The following NRG3 variants were observed in gnomAD, a reference collection of about 807,000 sequenced individuals.
NRG3 encodes neuregulin 3.
A neutral mutation model predicts 66.9 loss-of-function variants in NRG3; 31 were observed. The ratio of observed to expected loss-of-function variants is 0.46; its 90% CI spans 0.35 to 0.63. The LOEUF is 0.63. Ranked by LOEUF, NRG3 falls within the 20% of genes least tolerant of loss-of-function variation. The pLI, the probability that NRG3 is intolerant of heterozygous loss-of-function variation, is 0.00. For synonymous variants in NRG3, 393 were observed against 359.4 expected, an observed-to-expected ratio of 1.09 and a Z score of -1.06; for missense variants, 910 against 878.9, an observed-to-expected ratio of 1.04 and a Z score of -0.45.
At chr10:82,706,805 C>G (rs2056319083) in intron 2 of NRG3, among the ~76,000 whole-genome samples, 1 of 151,914 alleles carries the variant, frequency 6.6e-6, no homozygotes, top group South Asian at 2.1e-4. Flanking sequence ...ACCAGCCTGA[C>G]CAACATGTTG....
intron 1 of NRG3, among the ~76,000 whole-genome samples, chr10:82,326,160 A>G (rs1330426211): frequency 6.6e-6 from 1 of 152,164 alleles, no homozygotes; most frequent in African/African-American, 2.4e-5. Context: ...TGTTGAGTAA[A>G]GCATTGTAGA....
chr10:81,890,283 G>T (rs1357937128), intron 1 of NRG3, among the ~76,000 whole-genome samples: 2 of 152,136 alleles, frequency 1.3e-5, no homozygotes, highest in African/African-American at 4.8e-5. Flanking sequence ...ATAGTGGTTT[G>T]TTTGGAGTGG....
At chr10:82,946,982 T>C (rs1329524500) in intron 4 of NRG3, among the ~76,000 whole-genome samples, 1 of 152,180 alleles carries the variant, frequency 6.6e-6, no homozygotes, top group Non-Finnish European at 1.5e-5. Flanking sequence ...ATAAGCCACC[T>C]GTTTATAATG....
chr10:81,957,952 A>G (rs985819455), intron 1 of NRG3, among the ~76,000 whole-genome samples: 1 of 152,232 alleles, frequency 6.6e-6, no homozygotes, highest in Non-Finnish European at 1.5e-5. Context: ...TTCTTCTAAA[A>G]TAAGTGAGGG....
intron 2 of NRG3, among the ~76,000 whole-genome samples, chr10:82,565,209 A>T (rs887820310): frequency 4.6e-5 from 7 of 152,116 alleles, no homozygotes; most frequent in Non-Finnish European, 8.8e-5. Context: ...GGTAGGCAGG[A>T]CATATAGCCA....
intron 3 of NRG3, among the ~76,000 whole-genome samples, chr10:82,807,044 C>T (rs918724457): frequency 3.9e-5 from 6 of 152,154 alleles, no homozygotes; most frequent in Non-Finnish European, 7.4e-5. Flanking sequence ...TGCCAAGACC[C>T]TAATTGGTTA....
At chr10:81,995,014 G>A (rs559096348) in intron 1 of NRG3, among the ~76,000 whole-genome samples, 93 of 151,998 alleles carry the variant, frequency 6.1e-4, no homozygotes, top group African/African-American at 2.0e-3. Flanking sequence ...ATGTGAATTT[G>A]GTCTCTCAGA....
At chr10:82,660,169 G>C (rs2790709) in intron 2 of NRG3, among the ~76,000 whole-genome samples, 120,177 of 135,644 alleles carry the variant, frequency 0.89, 53,063 homozygotes, top group Middle Eastern at 0.92. Context: ...GCACTCTAGT[G>C]TGGGCGACAA....
chr10:81,978,069 A>G (rs1004372852), intron 1 of NRG3, among the ~76,000 whole-genome samples: 3 of 152,186 alleles, frequency 2.0e-5, no homozygotes. Flanking sequence ...TTGAAGCTAT[A>G]TATTATCATT....
At chr10:82,255,050 C>T (rs2077652096) in intron 1 of NRG3, among the ~76,000 whole-genome samples, 1 of 152,142 alleles carries the variant, frequency 6.6e-6, no homozygotes, top group South Asian at 2.1e-4. Context: ...ACTACCCCAG[C>T]CCGGTAATCA....
intron 1 of NRG3, among the ~76,000 whole-genome samples, chr10:82,194,128 T>C (rs1285643943): frequency 6.6e-6 from 1 of 152,132 alleles, no homozygotes; most frequent in Non-Finnish European, 1.5e-5. Context: ...AGCAAAGCTG[T>C]GGTCTTTCCA....
chr10:82,513,433 G>A (rs1044522472), intron 2 of NRG3, among the ~76,000 whole-genome samples: 2 of 152,236 alleles, frequency 1.3e-5, no homozygotes, highest in African/African-American at 4.8e-5. Flanking sequence ...GCATGTATCT[G>A]TATAACAGAA....
In NRG3 at chr10:82,306,469, C is replaced by T. The variant is rs568136342; in HGVS notation, c.824-52270C>T. Among the ~76,000 whole-genome samples, 14 of 151,292 alleles carry T rather than the reference C, an allele frequency of 9.3e-5. No individual in the cohort carries two copies. In the East Asian group the frequency reaches 2.0e-3, roughly 21 times the overall value. On this transcript the variant is annotated intron_variant, in intron 1 of 8. Transcript: ENST00000372141. ...CTGTAATTCCAGCACTTTGGGAGGC[C>T]GAGGCGGGCGGATCACGAGGTCAGG... is the stretch of plus-strand genomic sequence containing the variant.
intron 3 of NRG3, among the ~76,000 whole-genome samples, chr10:82,815,614 A>G (rs933862957): frequency 5.9e-5 from 9 of 151,910 alleles, no homozygotes; most frequent in Non-Finnish European, 1.3e-4. Flanking sequence ...CAATATTCTC[A>G]TTGTAACATG....
intron 1 of NRG3, among the ~76,000 whole-genome samples, chr10:82,351,430 G>A (rs938805755): frequency 2.0e-5 from 3 of 152,172 alleles, no homozygotes; most frequent in Non-Finnish European, 4.4e-5. Context: ...TCAGAAGAAG[G>A]AGAGCCATGT....
chr10:82,514,693 A>C (rs1157072997), intron 2 of NRG3, among the ~76,000 whole-genome samples: 2 of 152,120 alleles, frequency 1.3e-5, no homozygotes, highest in Admixed American at 1.3e-4. Context: ...TACCTTGGCT[A>C]TAAGGGCTCT....
intron 2 of NRG3, among the ~76,000 whole-genome samples, chr10:82,509,873 T>A (rs113264916): frequency 1.4e-3 from 218 of 152,296 alleles, no homozygotes; most frequent in African/African-American, 5.1e-3. Context: ...CCACAACCTC[T>A]GTCCCTACCA....
At chr10:82,845,103 TGAG>T (rs2063244378) in intron 3 of NRG3, among the ~76,000 whole-genome samples, 1 of 152,112 alleles carries the variant, frequency 6.6e-6, no homozygotes, top group African/African-American at 2.4e-5. Context: ...TGCAGTGAGC[TGAG>T]ATCACACCAC....
intron 2 of NRG3, among the ~76,000 whole-genome samples, chr10:82,505,517 G>C (rs2132391003): frequency 6.6e-6 from 1 of 152,294 alleles, no homozygotes; most frequent in South Asian, 2.1e-4. Context: ...GGAAGTCTCA[G>C]GCTCATTGAG....
Sources: gnomAD v4.1 joint callset for allele counts (sites outside exome capture counted in the v4.1 genomes callset) on GRCh38, gnomAD v4.1.1 for gene constraint, MANE v1.5 for transcripts, NCBI Gene and HGNC (gene_info 2026-07-23, HGNC 2026-07-21) for gene names.